RALYL: variants seen among roughly 807,000 people sequenced by gnomAD.
RALYL encodes the protein RNA-binding Raly-like protein.
In RALYL, 29 loss-of-function variants were observed where a neutral mutation model predicts 35.1. That is an observed-to-expected ratio of 0.83 (90% confidence interval 0.61 to 1.13). RALYL has a LOEUF of 1.13. Among genes scored for constraint, RALYL ranks in the 50% most tolerant of loss-of-function variants. RALYL has a pLI of 0.00. For missense variants in RALYL, 359 were observed against 360.4 expected, an observed-to-expected ratio of 1.00 and a Z score of 0.03; for synonymous variants, 120 against 127.6, an observed-to-expected ratio of 0.94 and a Z score of 0.40.
At chr8:84,730,183 AC>A (rs1845872561) in intron 2 of RALYL, among the ~76,000 whole-genome samples, 1 of 152,054 alleles carries the variant, frequency 6.6e-6, no homozygotes, top group Non-Finnish European at 1.5e-5. Flanking sequence ...AAGCTTATCC[AC>A]CATGATCAAG....
rs763684025 is a variant in RALYL at position 84,887,785 on chromosome 8, G to C, written c.858+9G>C. 1.8e-4 allele frequency: 283 copies of C among 1,607,906 alleles called. No individual in the cohort carries two copies. Among genetic ancestry groups the C allele is most frequent in the Non-Finnish European group, 2.1e-4 (251 of 1,177,382 alleles). On this transcript the variant is annotated intron_variant, in intron 8 of 8. Transcript: ENST00000521268. ...ATGGGGGTCATGAGCTGGTAGGAAAGAAACATTTGGTATTCACACCCTTTG... is the reference window on the plus strand; with the variant it reads ...ATGGGGGTCATGAGCTGGTAGGAAACAAACATTTGGTATTCACACCCTTTG...
rs186416259 is a variant in RALYL at position 84,728,909 on chromosome 8, G to A, written c.257-45670G>A. ...AGTGTGGTTTGAAGTCAGGTAGCGT[G>A]ATGCCTCCAGCTTTGTTCTTTTGGC... On this transcript the variant is annotated intron_variant, in intron 2 of 8. Transcript: ENST00000521268. 2.0e-3 allele frequency among the ~76,000 whole-genome samples: 312 copies of A among 152,306 alleles called. 1 individual carries two copies. Among genetic ancestry groups the A allele is most frequent in the African/African-American group, 7.3e-3 (303 of 41,574 alleles).
chr8:84,369,360 A>T (rs1467115134), intron 1 of RALYL, among the ~76,000 whole-genome samples: 1 of 152,046 alleles, frequency 6.6e-6, no homozygotes, highest in Admixed American at 6.6e-5. Flanking sequence ...CAAAAGAAAG[A>T]GATATAGACA....
chr8:84,901,777 G>C (rs1845735471), intron 8 of RALYL, among the ~76,000 whole-genome samples: 1 of 152,118 alleles, frequency 6.6e-6, no homozygotes, highest in African/African-American at 2.4e-5. Context: ...GGGGTCCTGG[G>C]AGAAGGAGAG....
intron 1 of RALYL, among the ~76,000 whole-genome samples, chr8:84,526,220 G>A (rs1207535305): frequency 1.3e-5 from 2 of 151,994 alleles, no homozygotes; most frequent in Non-Finnish European, 2.9e-5. Flanking sequence ...CTCCCAAAGT[G>A]CAGGGATTAC....
chr8:84,803,385 T>A (rs1026086169), intron 3 of RALYL, among the ~76,000 whole-genome samples: 1 of 152,200 alleles, frequency 6.6e-6, no homozygotes, highest in African/African-American at 2.4e-5. Flanking sequence ...ATAAAGCAAA[T>A]ATATCCAAAC....
rs556217550 is a variant in RALYL at position 84,738,236 on chromosome 8, G to A, written c.257-36343G>A. Among the ~76,000 whole-genome samples, 65 of 152,006 alleles carry A rather than the reference G, an allele frequency of 4.3e-4. 1 individual carries two copies. Among genetic ancestry groups the A allele is most frequent in the Middle Eastern group, 3.4e-3 (1 of 294 alleles). On this transcript the variant is annotated intron_variant, in intron 2 of 8. Transcript: ENST00000521268. ...GGTCCAGTTGAGTTTTAAAGAGTAG[G>A]AATTGGAAGGAAAGAAAGATGAAGG...
Position 84,657,510 on chromosome 8 carries a change from A to G in RALYL, c.257-117069A>G, listed in dbSNP as rs191540047. The stretch of plus-strand genomic sequence containing the variant: ...GCATACCTTTCTCCTCAAACAGTGC[A>G]TTAGTAAAGGGGCTTTCTAGATATA... On this transcript the variant is annotated intron_variant, in intron 2 of 8. Transcript: ENST00000521268. Among the ~76,000 whole-genome samples, 566 of 152,332 alleles carry G rather than the reference A, an allele frequency of 3.7e-3. 4 individuals carry two copies. The highest frequency in any genetic ancestry group is 0.013 in the African/African-American group (524 of 41,586).
At chr8:84,315,124 A>G (rs1467556374) in intron 1 of RALYL, among the ~76,000 whole-genome samples, 1 of 152,236 alleles carries the variant, frequency 6.6e-6, no homozygotes, top group Non-Finnish European at 1.5e-5. Context: ...ATAACAAAAC[A>G]TTGGAAATAA....
chr8:84,854,566 G>T (rs989398550), intron 5 of RALYL, among the ~76,000 whole-genome samples: 1 of 152,064 alleles, frequency 6.6e-6, no homozygotes, highest in Admixed American at 6.5e-5. Flanking sequence ...GATCACACTT[G>T]CCTGCAGAGA....
chr8:84,243,087 T>C lies in RALYL; in HGVS notation c.-24+58663T>C, dbSNP rs545546843. Reference sequence around the variant, plus strand: ...ATCCAGTTCTCCCAGCACCATATATTAAACAGGGAATTCTTTCCCCATTGC... The same window carrying C: ...ATCCAGTTCTCCCAGCACCATATATCAAACAGGGAATTCTTTCCCCATTGC... On this transcript the variant is annotated intron_variant, in intron 1 of 8. Transcript: ENST00000521268. 2.3e-4 allele frequency among the ~76,000 whole-genome samples: 35 copies of C among 152,328 alleles called. 1 individual carries two copies. In the South Asian group the frequency reaches 7.0e-3, roughly 31 times the overall value.
At chr8:84,195,885 G>T (rs1340869965) in intron 1 of RALYL, among the ~76,000 whole-genome samples, 1 of 152,094 alleles carries the variant, frequency 6.6e-6, no homozygotes, top group Admixed American at 6.5e-5. Flanking sequence ...CAGGGTAGAG[G>T]TACAATTAAC....
chr8:84,620,922 G>T (rs1039495504), intron 2 of RALYL, among the ~76,000 whole-genome samples: 104 of 152,252 alleles, frequency 6.8e-4, no homozygotes, highest in African/African-American at 2.4e-3. Context: ...CAGGGGACAG[G>T]GACCCACTTG....
intron 1 of RALYL, among the ~76,000 whole-genome samples, chr8:84,334,515 A>C (rs1057344985): frequency 2.0e-5 from 3 of 151,144 alleles, no homozygotes; most frequent in Non-Finnish European, 4.4e-5. Flanking sequence ...AATATCATAA[A>C]ATATATAATT....
chr8:84,665,356 C>A (rs1417883489), intron 2 of RALYL, among the ~76,000 whole-genome samples: 3 of 152,006 alleles, frequency 2.0e-5, no homozygotes, highest in African/African-American at 7.2e-5. Context: ...GGAAGAGTCC[C>A]TCCTTTTCAA....
chr8:84,346,069 G>T, intron 1 of RALYL: 1 of 984,060 alleles, frequency 1.0e-6, no homozygotes, highest in East Asian at 1.1e-4. Flanking sequence ...TTGCTTGGTT[G>T]CTTATATGTT....
intron 1 of RALYL, among the ~76,000 whole-genome samples, chr8:84,200,419 G>A (rs996100604): frequency 6.6e-6 from 1 of 151,984 alleles, no homozygotes. Flanking sequence ...TAAGATAGAA[G>A]TTACTACTTA....
In RALYL at chr8:84,889,999, A is replaced by G. The variant is rs143150997; in HGVS notation, c.858+2223A>G. ...CTTGCTTCAACTCTTGCCTCATGCA[A>G]CCCATTCTCCACAGAAGAAGGGTAA... is the stretch of plus-strand genomic sequence containing the variant. On this transcript the variant is annotated intron_variant, in intron 8 of 8. Coordinates refer to ENST00000521268, the MANE Select transcript of RALYL (RefSeq NM_173848.7). 6.2e-3 allele frequency among the ~76,000 whole-genome samples: 943 copies of G among 152,258 alleles called. 9 individuals are homozygous for G. Among genetic ancestry groups the G allele is most frequent in the African/African-American group, 0.021 (889 of 41,538 alleles).
chr8:84,557,818 A>G (rs1164140944), intron 2 of RALYL, among the ~76,000 whole-genome samples: 3 of 152,174 alleles, frequency 2.0e-5, no homozygotes, highest in Admixed American at 2.0e-4. Context: ...AATTTGAGTG[A>G]AAAGACTTCA....
Sources: gnomAD v4.1 joint callset for allele counts (sites outside exome capture counted in the v4.1 genomes callset) on GRCh38, gnomAD v4.1.1 for gene constraint, MANE v1.5 for transcripts, NCBI Gene and HGNC (gene_info 2026-07-23, HGNC 2026-07-21) for gene names.